ANKDD1B: variants seen among roughly 807,000 people sequenced by gnomAD.
ANKDD1B encodes the protein ankyrin repeat and death domain-containing protein 1B.
ANKDD1B carries 57 observed loss-of-function variants against 59.7 expected under a neutral mutation model. The observed-to-expected ratio is 0.95, with a 90% CI of 0.77 to 1.19. The LOEUF (loss-of-function observed/expected upper bound fraction) is 1.19. ANKDD1B is among the 50% of genes most tolerant of loss of function. The pLI is 0.00. For missense variants in ANKDD1B, 602 were observed against 641.9 expected (o/e 0.94, Z 0.67); for synonymous variants, 216 against 239.5 (o/e 0.90, Z 0.91).
At chr5:75,659,204 T>C in intron 9 of ANKDD1B, 79 bp from the exon 10 acceptor site, 1 of 1,018,768 alleles carries the variant, frequency 9.8e-7, no homozygotes, top group Non-Finnish European at 1.5e-6. Context: ...TGTTTTCCCT[T>C]GAACCTAAAT....
Position 75,671,011 on chromosome 5 carries a change from T to C in ANKDD1B, c.1558T>C (p.Ser520Pro). The change falls in exon 14 of 14, where the codon TCA (serine) becomes CCA (proline). Residue 520 changes from serine to proline, a missense_variant. Physicochemically the swap from Ser to Pro is moderately conservative, Grantham distance 74 (BLOSUM62 -1). Coordinates refer to ENST00000601380, the MANE Select transcript of ANKDD1B (RefSeq NM_001276713.2). Reference protein sequence around the residue: ...KTRHFKSKTDSNSKKCVVS With the variant: ...KTRHFKSKTDPNSKKCVVS ...TCGTCATTTCAAAAGCAAAACTGAC[T>C]CAAACTCCAAGAAATGTGTAGTTTC... 6 of 1,230,132 alleles carry C rather than the reference T, an allele frequency of 4.9e-6. No individual in the cohort carries two copies. Among genetic ancestry groups the C allele is most frequent in the Non-Finnish European group, 6.1e-6 (6 of 986,232 alleles). 76.2% of individuals were successfully genotyped at this position (1,230,132 alleles called of 1,614,324 possible).
At chr5:75,613,255 G>T (rs1298698562) in intron 1 of ANKDD1B, among the ~76,000 whole-genome samples, 1 of 152,194 alleles carries the variant, frequency 6.6e-6, no homozygotes, top group African/African-American at 2.4e-5. Flanking sequence ...GCAGCAGTTG[G>T]AAAGGAAGCT....
At chr5:75,638,410 TGATACAAGCTGTTGCCAGATCAGTTA>T (rs924488545) in intron 7 of ANKDD1B, among the ~76,000 whole-genome samples, 1 of 152,210 alleles carries the variant, frequency 6.6e-6, no homozygotes, top group Admixed American at 6.5e-5. Flanking sequence ...CTCTGTTTCC[TGATACAAGCTGTTGCCAGATCAGTTA>T]GAGTGACCCA....
At chr5:75,657,337 A>G (rs1775003455) in intron 9 of ANKDD1B, among the ~76,000 whole-genome samples, 3 of 152,094 alleles carry the variant, frequency 2.0e-5, no homozygotes, top group Admixed American at 1.3e-4. Context: ...TATATTTTAA[A>G]TATAAAATAT....
chr5:75,635,690 G>C, intron 6 of ANKDD1B, 94 bp from the exon 7 acceptor site: 2 of 766,742 alleles, frequency 2.6e-6, no homozygotes, highest in South Asian at 4.3e-5. Flanking sequence ...TAACCAAAAT[G>C]AAAACTTCCA....
intron 12 of ANKDD1B, among the ~76,000 whole-genome samples, 162 bp from the exon 13 acceptor site, chr5:75,669,090 G>A (rs1345589264): frequency 6.6e-6 from 1 of 152,112 alleles, no homozygotes; most frequent in Non-Finnish European, 1.5e-5. Flanking sequence ...AGCAAATGCT[G>A]GTCATCATAA....
chr5:75,661,157 G>A (rs943076423), intron 10 of ANKDD1B, among the ~76,000 whole-genome samples: 2 of 151,014 alleles, frequency 1.3e-5, no homozygotes, highest in African/African-American at 4.9e-5. Context: ...TCAGCACTTT[G>A]GGAGGCTGAG....
intron 10 of ANKDD1B, among the ~76,000 whole-genome samples, chr5:75,659,764 GT>G (rs1246950756): frequency 6.6e-6 from 1 of 152,000 alleles, no homozygotes; most frequent in East Asian, 1.9e-4. Context: ...TCCTTCCAGA[GT>G]TTTTTATGCA....
In ANKDD1B at chr5:75,611,785, G is replaced by C; in HGVS notation, c.151G>C (p.Gly51Arg). Residue 51 changes from glycine to arginine, a missense_variant, in exon 1 of 14, where the codon GGT becomes CGT. Physicochemically the swap from Gly to Arg is moderately radical, Grantham distance 125. Coordinates refer to ENST00000601380, the MANE Select transcript of ANKDD1B (RefSeq NM_001276713.2). ...RSLSRIPKRE[G>R]LGEEDTAVAG... is the part of the protein sequence containing the mutation. ...CCTGTCCCGGATCCCGAAGCGGGAG[G>C]GTCTTGGAGAGGAGGACACAGCAGT... 1.6e-6 allele frequency: 2 copies of C among 1,231,962 alleles called. No individual in the cohort carries two copies. Among genetic ancestry groups the C allele is most frequent in the African/African-American group, 1.5e-5 (1 of 64,544 alleles). The allele number at this position is 1,231,962 out of a possible 1,614,324, so 76.3% of individuals were successfully genotyped here.
intron 10 of ANKDD1B, among the ~76,000 whole-genome samples, chr5:75,662,588 C>G (rs1348458751): frequency 6.6e-6 from 1 of 152,078 alleles, no homozygotes; most frequent in East Asian, 1.9e-4. Flanking sequence ...ATCCTTTGCT[C>G]AGGGAAAAAT....
rs1773733729 is a variant in ANKDD1B at position 75,617,007 on chromosome 5, G to A, written c.297+100G>A. 3 of 597,204 alleles carry A rather than the reference G, an allele frequency of 5.0e-6. No homozygotes were observed. In the Admixed American group the frequency reaches 8.8e-5, roughly 18 times the overall value. The allele number at this position is 597,204 out of a possible 1,614,324, so 37.0% of individuals were successfully genotyped here. On this transcript the variant is annotated intron_variant, in intron 2 of 13. Transcript: ENST00000601380. ...TAATAAAAATAAAAATCATGGTGCTGGCTGAGATAAGGGAGAGCTGCTTTG... is the reference window on the plus strand; with the variant it reads ...TAATAAAAATAAAAATCATGGTGCTAGCTGAGATAAGGGAGAGCTGCTTTG...
In ANKDD1B at chr5:75,671,251, A is replaced by G. The variant is rs1775475818; in HGVS notation, c.*211A>G. The G allele has an allele frequency of 5.8e-6, 2 of 345,894 alleles. No homozygotes were observed. The highest frequency in any genetic ancestry group is 1.0e-5 in the Non-Finnish European group (2 of 192,638). 21.4% of individuals were successfully genotyped at this position (345,894 alleles called of 1,614,324 possible). A position where few individuals can be genotyped will look rare whatever the true frequency, so the allele number is the denominator to read the frequency against. ...TTTTGCTGAGGGCAAGTTGTATGTG[A>G]TTTTCCCATTTCTATCAATCATTTG... is the stretch of plus-strand genomic sequence containing the variant. On this transcript the variant is annotated 3_prime_UTR_variant, in exon 14 of 14. Transcript: ENST00000601380.
chr5:75,635,781 CA>C lies in ANKDD1B; in HGVS notation c.700-2del. 1 of 1,522,900 alleles carries C rather than the reference CA, an allele frequency of 6.6e-7. No individual in the cohort carries two copies. Among genetic ancestry groups the C allele is most frequent in the Non-Finnish European group, 8.8e-7 (1 of 1,136,118 alleles). 94.3% of individuals were successfully genotyped at this position (1,522,900 alleles called of 1,614,324 possible). A position where few individuals can be genotyped will look rare whatever the true frequency, so the allele number is the denominator to read the frequency against. On this transcript the variant is annotated splice_acceptor_variant, in intron 6 of 13. Transcript: ENST00000601380. LOFTEE classifies it high-confidence loss of function. ...TTCTACGTCGAGTGTGTCTCTGTTG[CA>C]GGGGGGAAACACTGCCTTGCACCTC...
At chr5:75,631,269 C>T (rs1472956810) in intron 5 of ANKDD1B, among the ~76,000 whole-genome samples, 7 of 152,206 alleles carry the variant, frequency 4.6e-5, no homozygotes, top group Non-Finnish European at 8.8e-5. Context: ...AAAGCACTTA[C>T]CTTCTGCATG....
Position 75,630,489 on chromosome 5 carries a change from A to C in ANKDD1B, c.601-4409A>C, listed in dbSNP as rs151130572. Among the ~76,000 whole-genome samples, 5 of 152,352 alleles carry C rather than the reference A, an allele frequency of 3.3e-5. No homozygotes were observed. The East Asian group carries it at 7.7e-4, about 24-fold the overall frequency. On this transcript the variant is annotated intron_variant, in intron 5 of 13. Transcript: ENST00000601380. ...TTTCCATGGAAAGGAAAGATGTTTC[A>C]TCTGTGGTAACTGTAGTCTTTTCTC... is the stretch of plus-strand genomic sequence containing the variant.
chr5:75,651,709 C>T (rs1355718307), intron 7 of ANKDD1B, among the ~76,000 whole-genome samples: 6 of 152,196 alleles, frequency 3.9e-5, no homozygotes, highest in Non-Finnish European at 7.3e-5. Flanking sequence ...CTTCCTACTT[C>T]CTGGGAGAAG....
intron 5 of ANKDD1B, among the ~76,000 whole-genome samples, chr5:75,629,643 A>G (rs1050316422): frequency 6.6e-6 from 1 of 152,152 alleles, no homozygotes; most frequent in Non-Finnish European, 1.5e-5. Context: ...GAGTTAAAAC[A>G]TATCAGGTTA....
chr5:75,665,360 G>C (rs181387757), intron 11 of ANKDD1B, among the ~76,000 whole-genome samples: 1 of 152,366 alleles, frequency 6.6e-6, no homozygotes, highest in East Asian at 1.9e-4. Context: ...AAAGATAGAT[G>C]CAGAAGCATT....
At chr5:75,617,836 G>A (rs1773751584) in intron 2 of ANKDD1B, among the ~76,000 whole-genome samples, 1 of 152,170 alleles carries the variant, frequency 6.6e-6, no homozygotes, top group African/African-American at 2.4e-5. Flanking sequence ...CACAAAACCT[G>A]TGTCTGTCGC....
Sources: allele counts gnomAD v4.1 joint callset (sites outside exome capture counted in the v4.1 genomes callset), GRCh38; gene constraint gnomAD v4.1.1; transcripts MANE v1.5; gene names NCBI Gene and HGNC (gene_info 2026-07-23, HGNC 2026-07-21).